The following CA13 variants were observed in gnomAD, a reference collection of about 807,000 sequenced individuals.
CA13 encodes carbonic anhydrase 13.
A neutral mutation model predicts 31.5 loss-of-function variants in CA13; 21 were observed. The ratio of observed to expected loss-of-function variants is 0.67; its 90% CI spans 0.47 to 0.96. The LOEUF is 0.96. Ranked by LOEUF, CA13 falls within the 40% of genes least tolerant of loss-of-function variation. The pLI is 0.00. For missense variants in CA13, 315 were observed against 318.9 expected (o/e 0.99, Z 0.09); for synonymous variants, 117 against 111.4 (o/e 1.05, Z -0.32).
At position 85,250,843 on chromosome 8, in the gene CA13, A is replaced by G. The variant is rs755645810; in HGVS notation, c.141A>G (p.Pro47=). The change falls in exon 2 of 7, where the codon CCA becomes CCG. Residue 47 remains proline (P), a synonymous_variant. Coordinates refer to ENST00000321764, the MANE Select transcript of CA13 (RefSeq NM_198584.3). ...KEVKYDSSLR[P]LSIKYDPSSA... ...TGAAATATGACTCTTCCCTCCGACC[A>G]CTTAGTATCAAGTATGACCCAAGCT... is the stretch of plus-strand genomic sequence containing the variant. The G allele has an allele frequency of 6.2e-7, 1 of 1,613,998 alleles. No individual in the cohort carries two copies. Among genetic ancestry groups the G allele is most frequent in the Admixed American group, 1.7e-5 (1 of 60,010 alleles).
chr8:85,254,884 T>C (rs1050057222), intron 2 of CA13, among the ~76,000 whole-genome samples: 2 of 151,850 alleles, frequency 1.3e-5, no homozygotes, highest in African/African-American at 4.8e-5. Flanking sequence ...GTTTCCATTT[T>C]GTAAAGAAGC....
At chr8:85,250,650 C>A (rs2129946374) in intron 1 of CA13, 90 bp from the exon 2 acceptor site, 1 of 777,372 alleles carries the variant, frequency 1.3e-6, no homozygotes, top group Non-Finnish European at 2.1e-6. Context: ...GCGTTTTCTT[C>A]AATTTCAAGC....
At chr8:85,281,152 T>C (rs1299315731) in intron 6 of CA13, 78 bp from the exon 7 acceptor site, 13 of 1,524,800 alleles carry the variant, frequency 8.5e-6, no homozygotes, top group Non-Finnish European at 1.2e-5. Context: ...GTTATAGATA[T>C]ATCTTCTTTA....
chr8:85,262,964 G>A (rs1269739544), intron 3 of CA13, among the ~76,000 whole-genome samples: 2 of 152,134 alleles, frequency 1.3e-5, no homozygotes, highest in Non-Finnish European at 2.9e-5. Flanking sequence ...AATAAATGGT[G>A]CATGGTAAGT....
chr8:85,271,934 T>A (rs1453467057), intron 6 of CA13, among the ~76,000 whole-genome samples: 1 of 152,028 alleles, frequency 6.6e-6, no homozygotes, highest in Non-Finnish European at 1.5e-5. Flanking sequence ...CCACGCATGG[T>A]GGTGCATGCC....
intron 2 of CA13, among the ~76,000 whole-genome samples, chr8:85,252,430 G>C (rs948355883): frequency 1.1e-5 from 1 of 92,768 alleles, no homozygotes; most frequent in African/African-American, 3.6e-5. Context: ...TTCCCTATTA[G>C]TACTTTTTTC....
chr8:85,245,944 C>A, intron 1 of CA13, 79 bp downstream of exon 1: 2 of 1,514,754 alleles, frequency 1.3e-6, no homozygotes, highest in Non-Finnish European at 1.8e-6. Flanking sequence ...CGCTCGCTGA[C>A]CACACACTGG....
chr8:85,281,184 T>C lies in CA13; in HGVS notation c.670-46T>C, dbSNP rs765000832. 18 of 1,597,440 alleles carry C rather than the reference T, an allele frequency of 1.1e-5. No homozygotes were observed. In the South Asian group the frequency reaches 2.0e-4, roughly 18 times the overall value. On this transcript the variant is annotated intron_variant, in intron 6 of 6. Coordinates refer to ENST00000321764, the MANE Select transcript of CA13 (RefSeq NM_198584.3). ...TTTATGCAGGGTAATTCATTAATAT[T>C]GGTGGGAATTTCTATGCTGAAGCTA...
Position 85,245,841 on chromosome 8 carries a change from A to C in CA13, c.13A>C (p.Ser5Arg). The change falls in exon 1 of 7, where the codon AGC becomes CGC. Residue 5 changes from serine (S) to arginine (R), a missense_variant. Coordinates refer to ENST00000321764, the MANE Select transcript of CA13 (RefSeq NM_198584.3). ...ACCCCGAGGGACCATGTCGAGGCTC[A>C]GCTGGGGATACCGCGAGCACAACGG... MSRL[S>R]WGYREHNGPI... 1.2e-6 allele frequency: 2 copies of C among 1,614,176 alleles called. No homozygotes were observed. The highest frequency in any genetic ancestry group is 2.2e-5 in the East Asian group (1 of 44,878).
intron 6 of CA13, among the ~76,000 whole-genome samples, chr8:85,277,496 G>A (rs1049466135): frequency 1.3e-5 from 2 of 152,088 alleles, no homozygotes; most frequent in East Asian, 1.9e-4. Context: ...AACACTCACC[G>A]CGAGGGTCCA....
At chr8:85,258,754 C>A (rs1807335598) in intron 2 of CA13, among the ~76,000 whole-genome samples, 2 of 61,810 alleles carry the variant, frequency 3.2e-5, no homozygotes, top group Non-Finnish European at 5.4e-5. Flanking sequence ...GAGGCCCTGT[C>A]TCTACAAAAA....
At chr8:85,280,889 AATGT>A (rs936395952) in intron 6 of CA13, among the ~76,000 whole-genome samples, 14 of 152,298 alleles carry the variant, frequency 9.2e-5, no homozygotes, top group Middle Eastern at 6.8e-3. Flanking sequence ...TTTGTCATAA[AATGT>A]ATGTATGTAT....
At position 85,281,549 on chromosome 8, in the gene CA13, G is replaced by T; in HGVS notation, c.*200G>T. The T allele has an allele frequency of 8.2e-7, 1 of 1,218,584 alleles. No individual in the cohort carries two copies. The highest frequency in any genetic ancestry group is 1.0e-6 in the Non-Finnish European group (1 of 956,200). 75.5% of individuals were successfully genotyped at this position (1,218,584 alleles called of 1,614,324 possible). On this transcript the variant is annotated 3_prime_UTR_variant, in exon 7 of 7. Transcript: ENST00000321764. ...TTTTTTAGTGATAGAGTCTCACTCTGTCACCCAGGCTGGAGGGCAGTGGTA... is the reference window on the plus strand; with the variant it reads ...TTTTTTAGTGATAGAGTCTCACTCTTTCACCCAGGCTGGAGGGCAGTGGTA...
intron 4 of CA13, 118 bp downstream of exon 4, chr8:85,266,821 T>G: frequency 1.5e-6 from 1 of 675,540 alleles, no homozygotes; most frequent in Non-Finnish European, 2.5e-6. Flanking sequence ...TGTAGCAGTT[T>G]CCTTTTGAAA....
In CA13 at chr8:85,268,551, C is replaced by T. The variant is rs2088306; in HGVS notation, c.593C>T (p.Ser198Phe). 6 of 1,613,932 alleles carry T rather than the reference C, an allele frequency of 3.7e-6. No individual in the cohort carries two copies. The highest frequency in any genetic ancestry group is 5.1e-6 in the Non-Finnish European group (6 of 1,179,878). ...TGGGACTACTGGACATATCCTGGTT[C>T]TCTTACAGTTCCACCTCTTCTTGAG... ...PSWDYWTYPG[S>F]LTVPPLLESV... Residue 198 changes from serine (S) to phenylalanine (F), a missense_variant, in exon 6 of 7, where the codon TCT becomes TTT. Physicochemically the swap from Ser to Phe is radical, Grantham distance 155 (BLOSUM62 -2). Coordinates refer to ENST00000321764, the MANE Select transcript of CA13 (RefSeq NM_198584.3).
At position 85,245,650 on chromosome 8, in the gene CA13, C is replaced by T. The variant is rs1587528791; in HGVS notation, c.-179C>T. On this transcript the variant is annotated 5_prime_UTR_variant, in exon 1 of 7. It adds an upstream start codon to the 5' untranslated region. Transcript: ENST00000321764. ...CAGCGGCGCGGGCGCCTTCCCCGCACGCCTCTGCCGTCTGGAGGACGCAGG... is the reference window on the plus strand; with the variant it reads ...CAGCGGCGCGGGCGCCTTCCCCGCATGCCTCTGCCGTCTGGAGGACGCAGG... The T allele has an allele frequency of 7.6e-6, 5 of 657,434 alleles. No homozygotes were observed. The highest frequency in any genetic ancestry group is 7.3e-5 in the South Asian group (4 of 55,076). The allele number at this position is 657,434 out of a possible 1,614,324, so 40.7% of individuals were successfully genotyped here.
At chr8:85,272,729 C>T (rs1807544463) in intron 6 of CA13, among the ~76,000 whole-genome samples, 1 of 152,120 alleles carries the variant, frequency 6.6e-6, no homozygotes, top group African/African-American at 2.4e-5. Flanking sequence ...TTTGTGTGGA[C>T]ACATTTTTAT....
intron 3 of CA13, among the ~76,000 whole-genome samples, chr8:85,264,419 TAGTC>T (rs1349342964): frequency 2.0e-5 from 3 of 152,204 alleles, no homozygotes; most frequent in South Asian, 2.1e-4. Context: ...TTGTCATTGT[TAGTC>T]AGGAAATGTG....
intron 3 of CA13, among the ~76,000 whole-genome samples, chr8:85,262,809 T>G (rs1025045146): frequency 7.9e-5 from 12 of 152,056 alleles, no homozygotes; most frequent in Non-Finnish European, 1.5e-4. Context: ...CAGTGGCAGC[T>G]TTAGTGGCAT....
Sources: allele counts gnomAD v4.1 joint callset (sites outside exome capture counted in the v4.1 genomes callset), GRCh38; gene constraint gnomAD v4.1.1; transcripts MANE v1.5; gene names NCBI Gene and HGNC (gene_info 2026-07-23, HGNC 2026-07-21).